DYNC2I1: variants seen among roughly 807,000 people sequenced by gnomAD.
DYNC2I1 encodes cytoplasmic dynein 2 intermediate chain 1.
In DYNC2I1, 89 loss-of-function variants were observed where a neutral mutation model predicts 133.4. That is an observed-to-expected ratio of 0.67 (90% CI 0.56 to 0.80). The LOEUF (loss-of-function observed/expected upper bound fraction) is 0.80, where lower values mean the gene tolerates loss of function less well. DYNC2I1 is among the 30% of genes least tolerant of loss of function. The pLI is 0.00. For missense variants in DYNC2I1, 1,291 were observed against 1,314.5 expected (o/e 0.98, Z 0.28); for synonymous variants, 504 against 484.3 (o/e 1.04, Z -0.54).
rs543909307 is a variant in DYNC2I1 at position 158,945,617 on chromosome 7, G to A, written c.3039G>A (p.Lys1013=). The A allele has an allele frequency of 2.5e-6, 4 of 1,610,210 alleles. No individual in the cohort carries two copies. The highest frequency in any genetic ancestry group is 2.7e-5 in the African/African-American group (2 of 74,960). Residue 1013 remains lysine (K), a synonymous_variant, in exon 25 of 25, where the codon AAG becomes AAA. Transcript: ENST00000407559. The surrounding 1 kb of genome is among the most constrained non-coding windows in gnomAD (Gnocchi z 4.1). The part of the protein sequence containing the change: ...VAMAAVGEPE[K]AGGSFLALVL... ...TGGCTGCGGTGGGTGAGCCTGAGAA[G>A]GCTGGTGGCAGCTTCCTGGCCCTGG...
chr7:158,888,178 C>A (rs1168574639), intron 7 of DYNC2I1, among the ~76,000 whole-genome samples: 1 of 151,738 alleles, frequency 6.6e-6, no homozygotes, highest in Non-Finnish European at 1.5e-5. Context: ...GCATGCGCCA[C>A]CATGCCCGGC....
intron 8 of DYNC2I1, among the ~76,000 whole-genome samples, chr7:158,894,131 C>CCT (rs374428620): frequency 0.33 from 50,223 of 151,896 alleles, 8,783 homozygotes; most frequent in East Asian, 0.52. Flanking sequence ...TACCGCATAT[C>CCT]ATACCGCATA....
chr7:158,841,218 TATA>T, the DYNC2I1 span, among the ~76,000 whole-genome samples: 1 of 97,790 alleles, frequency 1.0e-5, no homozygotes, highest in African/African-American at 4.3e-5. Flanking sequence ...TATATATATA[TATA>T]TTTTAGACAG....
At chr7:158,897,269 T>TATTAC (rs1199667543) in intron 8 of DYNC2I1, among the ~76,000 whole-genome samples, 2 of 152,056 alleles carry the variant, frequency 1.3e-5, no homozygotes, top group Non-Finnish European at 2.9e-5. Flanking sequence ...AAAGTGCTGG[T>TATTAC]ATTACAGGTG....
chr7:158,955,251 C>T (rs1350563889), intron 4 of DYNC2I1, among the ~76,000 whole-genome samples: 1 of 152,200 alleles, frequency 6.6e-6, no homozygotes, highest in Non-Finnish European at 1.5e-5. Flanking sequence ...AGGAGAGCTG[C>T]CGCTGGCTCT....
intron 8 of DYNC2I1, among the ~76,000 whole-genome samples, chr7:158,894,642 G>A (rs960124999): frequency 6.6e-6 from 1 of 152,212 alleles, no homozygotes; most frequent in African/African-American, 2.4e-5. Context: ...ATGAATAAAT[G>A]TGCTATAAAC....
chr7:158,928,648 G>A (rs1849869501), intron 20 of DYNC2I1, among the ~76,000 whole-genome samples: 1 of 152,138 alleles, frequency 6.6e-6, no homozygotes, highest in African/African-American at 2.4e-5. Flanking sequence ...TCTGCTCTGT[G>A]TTGTCCACTC....
At position 158,911,518 on chromosome 7, in the gene DYNC2I1, A is replaced by G. The variant is rs750966694; in HGVS notation, c.1461-32A>G. ...CTTCCCCACGTATATTATTCGAGTT[A>G]ATTTTTGTCTTGTTTCCAATTTATT... On this transcript the variant is annotated intron_variant, in intron 11 of 24. Transcript: ENST00000407559. The G allele has an allele frequency of 1.9e-6, 3 of 1,606,558 alleles. No homozygotes were observed. In the Admixed American group the frequency reaches 5.1e-5, roughly 27 times the overall value.
intron 21 of DYNC2I1, 25 bp downstream of exon 21, chr7:158,930,540 A>C (rs762709953): frequency 4.4e-5 from 71 of 1,599,866 alleles, no homozygotes; most frequent in Non-Finnish European, 5.9e-5. Context: ...AAAATGCTTC[A>C]CTATCTCACA....
intron 2 of DYNC2I1, 72 bp downstream of exon 2, chr7:158,869,980 G>A: frequency 7.5e-7 from 1 of 1,334,248 alleles, no homozygotes; most frequent in Non-Finnish European, 1.1e-6. Context: ...GCTTTACCTG[G>A]TACACAACAC....
intron 14 of DYNC2I1, among the ~76,000 whole-genome samples, chr7:158,915,647 C>T (rs776762711): frequency 1.5e-3 from 148 of 100,230 alleles, no homozygotes; most frequent in African/African-American, 4.2e-3. Flanking sequence ...TGTGAAACCT[C>T]GACACGGTGG....
At chr7:158,875,901 C>T (rs1843313321) in intron 3 of DYNC2I1, among the ~76,000 whole-genome samples, 1 of 152,180 alleles carries the variant, frequency 6.6e-6, no homozygotes, top group African/African-American at 2.4e-5. Context: ...ACCCTGAAGG[C>T]TGTATGAGTT....
At chr7:158,927,491 A>G (rs1849743872) in intron 20 of DYNC2I1, among the ~76,000 whole-genome samples, 1 of 152,068 alleles carries the variant, frequency 6.6e-6, no homozygotes, top group African/African-American at 2.4e-5. Context: ...TGTATGTCAT[A>G]TAACCTTATA....
intron 11 of DYNC2I1, among the ~76,000 whole-genome samples, chr7:158,907,150 CCT>C (rs1329965726): frequency 6.9e-6 from 1 of 143,946 alleles, no homozygotes; most frequent in Non-Finnish European, 1.5e-5. Context: ...AGAGCGAGAC[CCT>C]GTCTCAAAAA....
Position 158,883,257 on chromosome 7 carries a change from G to A in DYNC2I1, c.880-1307G>A, listed in dbSNP as rs183281469. ...TTTTGAGATTGAGTCTCACTGTATC[G>A]CCCAGGCCAGAGAGCAGTGGTGTGA... On this transcript the variant is annotated intron_variant, in intron 5 of 24. Transcript: ENST00000407559. Among the ~76,000 whole-genome samples, 94 of 142,748 alleles carry A rather than the reference G, an allele frequency of 6.6e-4. 1 individual carries two copies. The East Asian group carries it at 0.016, about 25-fold the overall frequency. The allele number at this position is 142,748 out of a possible 152,430, so 93.6% of individuals were successfully genotyped here.
At position 158,926,292 on chromosome 7, in the gene DYNC2I1, C is replaced by T; in HGVS notation, c.2363C>T (p.Thr788Ile). Residue 788 changes from threonine to isoleucine, a missense_variant, in exon 18 of 25, where the codon ACT becomes ATT. Thr to Ile is a moderately conservative substitution (Grantham distance 89). Coordinates refer to ENST00000407559, the MANE Select transcript of DYNC2I1 (RefSeq NM_018051.5). ...AGCTTTGTGCTTTCACCCTTTTCTA[C>T]TCAAGAAGGTACGTGATTCTTCACT... ...KQSFVLSPFS[T>I]QEEMSGLSFH... is the part of the protein sequence containing the mutation. 6.2e-7 allele frequency: 1 copy of T among 1,611,556 alleles called. No homozygotes were observed. The highest frequency in any genetic ancestry group is 8.5e-7 in the Non-Finnish European group (1 of 1,178,766).
At chr7:158,854,682 CTGT>C (rs1841130894), upstream of DYNC2I1, among the ~76,000 whole-genome samples, 1 of 152,118 alleles carries the variant, frequency 6.6e-6, no homozygotes, top group African/African-American at 2.4e-5. Context: ...TGGGAAAGGG[CTGT>C]TATCTTTCTT....
chr7:158,910,328 T>C (rs2709871), intron 11 of DYNC2I1, among the ~76,000 whole-genome samples: 127,050 of 150,732 alleles, frequency 0.84, 53,501 homozygotes, highest in East Asian at 0.95. Context: ...CTGTGTCAGG[T>C]CTGTGGGTGG....
chr7:158,875,219 T>C (rs1843244723), intron 3 of DYNC2I1, among the ~76,000 whole-genome samples: 2 of 151,730 alleles, frequency 1.3e-5, no homozygotes, highest in South Asian at 4.2e-4. Flanking sequence ...CTTAGCCTCC[T>C]GAGTACCTGG....
Sources: gnomAD v4.1 joint callset for allele counts (sites outside exome capture counted in the v4.1 genomes callset) on GRCh38, gnomAD v4.1.1 for gene constraint, Gnocchi (gnomAD v3.1) non-coding constraint, MANE v1.5 for transcripts, NCBI Gene and HGNC (gene_info 2026-07-23, HGNC 2026-07-21) for gene names.